TANC2: variants seen among roughly 807,000 people sequenced by gnomAD.
TANC2 encodes the protein protein TANC2.
Under a neutral mutation model 210.5 loss-of-function variants are expected in TANC2, and 26 were observed. The observed-to-expected ratio is 0.12, with a 90% CI of 0.09 to 0.17. The LOEUF is 0.17. Ranked by LOEUF, TANC2 falls within the 10% of genes least tolerant of loss-of-function variation. The pLI is 1.00. For missense variants in TANC2, 2,129 were observed against 2,608.9 expected, an observed-to-expected ratio of 0.82 and a Z score of 4.01; for synonymous variants, 931 against 967.1, an observed-to-expected ratio of 0.96 and a Z score of 0.69.
At chr17:63,306,960 A>G (rs551020169) in intron 9 of TANC2, among the ~76,000 whole-genome samples, 79 of 152,272 alleles carry the variant, frequency 5.2e-4, no homozygotes, top group African/African-American at 1.8e-3. Flanking sequence ...AAAAAAAATG[A>G]TGAGCAGTAG....
intron 9 of TANC2, among the ~76,000 whole-genome samples, chr17:63,276,790 T>C (rs2043889812): frequency 6.6e-6 from 1 of 152,160 alleles, no homozygotes; most frequent in Non-Finnish European, 1.5e-5. Context: ...TAGCATACAT[T>C]TATTGGAGTT....
chr17:63,169,541 A>G (rs1397907860), intron 5 of TANC2, among the ~76,000 whole-genome samples: 6 of 152,130 alleles, frequency 3.9e-5, no homozygotes, highest in African/African-American at 1.4e-4. Context: ...AGAATTTTTA[A>G]AATGGCCGGG....
At chr17:63,213,005 C>G (rs2041929576) in intron 7 of TANC2, among the ~76,000 whole-genome samples, 1 of 151,990 alleles carries the variant, frequency 6.6e-6, no homozygotes, top group African/African-American at 2.4e-5. Flanking sequence ...ATATTGTCAC[C>G]CTTGATATAA....
intron 14 of TANC2, among the ~76,000 whole-genome samples, chr17:63,357,407 A>G (rs549883441): frequency 1.3e-5 from 2 of 152,314 alleles, no homozygotes; most frequent in Admixed American, 6.5e-5. Flanking sequence ...TTTAACTAGG[A>G]GTTTTGCAGC....
intron 15 of TANC2, among the ~76,000 whole-genome samples, chr17:63,380,161 A>G (rs951201371): frequency 1.3e-5 from 2 of 152,222 alleles, no homozygotes; most frequent in Non-Finnish European, 2.9e-5. Context: ...CATGATGTCT[A>G]AAAAATCACT....
chr17:63,340,109 CTAT>C, exon 12 of TANC2: 1 of 1,613,482 alleles, frequency 6.2e-7, no homozygotes, highest in Non-Finnish European at 8.5e-7. Context: ...AGGTGGTTGC[CTAT>C]CACTATTGTC....
At chr17:63,411,170 G>A (rs1056793383) in intron 21 of TANC2, among the ~76,000 whole-genome samples, 8 of 151,802 alleles carry the variant, frequency 5.3e-5, no homozygotes, top group Admixed American at 3.3e-4. Flanking sequence ...GTGAGGATGC[G>A]GGAGGATTGA....
At chr17:63,393,769 TA>T (rs1483949237) in intron 17 of TANC2, among the ~76,000 whole-genome samples, 31 of 127,164 alleles carry the variant, frequency 2.4e-4, no homozygotes, top group East Asian at 8.0e-4. Context: ...TTATTATTAT[TA>T]TTATTATTTT....
At chr17:63,042,014 G>A (rs935131169) in intron 2 of TANC2, among the ~76,000 whole-genome samples, 2 of 152,158 alleles carry the variant, frequency 1.3e-5, no homozygotes, top group Non-Finnish European at 2.9e-5. Flanking sequence ...ATACCCTTGA[G>A]ATGTGAGAAT....
At chr17:63,178,475 A>G (rs1318390662) in intron 5 of TANC2, among the ~76,000 whole-genome samples, 2 of 152,190 alleles carry the variant, frequency 1.3e-5, no homozygotes, top group Non-Finnish European at 2.9e-5. Context: ...GCCTTTTTCA[A>G]CATTTGTTGT....
chr17:63,208,908 C>T (rs1454456878), intron 7 of TANC2, among the ~76,000 whole-genome samples: 1 of 152,100 alleles, frequency 6.6e-6, no homozygotes, highest in African/African-American at 2.4e-5. Context: ...TGGTTTTCTA[C>T]ATATACAACC....
At chr17:63,231,629 C>T (rs992691886) in intron 7 of TANC2, among the ~76,000 whole-genome samples, 2 of 152,168 alleles carry the variant, frequency 1.3e-5, no homozygotes, top group African/African-American at 2.4e-5. Context: ...GAGAAGTCCA[C>T]GGTTAGTCTG....
At chr17:63,210,825 G>T (rs1248846661) in intron 7 of TANC2, among the ~76,000 whole-genome samples, 23 of 152,174 alleles carry the variant, frequency 1.5e-4, no homozygotes, top group Non-Finnish European at 1.5e-5. Flanking sequence ...TATGTATTAT[G>T]TTTAATACTA....
At chr17:63,109,064 A>G (rs1399269024) in intron 4 of TANC2, among the ~76,000 whole-genome samples, 2 of 151,640 alleles carry the variant, frequency 1.3e-5, no homozygotes, top group African/African-American at 2.4e-5. Flanking sequence ...TGTATTATGT[A>G]TTAAAACTTA....
chr17:63,117,094 T>C (rs574755822), intron 4 of TANC2: 9 of 152,312 alleles, frequency 5.9e-5, no homozygotes, highest in African/African-American at 2.2e-4. Flanking sequence ...CAGATCCTTA[T>C]ATGGTGCTGC....
chr17:63,354,100 T>TAA (rs2046707833), intron 13 of TANC2, among the ~76,000 whole-genome samples: 1 of 151,892 alleles, frequency 6.6e-6, no homozygotes, highest in East Asian at 1.9e-4. Flanking sequence ...GGAGAGGGAA[T>TAA]GGGTACTCAC....
At chr17:63,172,542 A>T (rs1305746119) in intron 5 of TANC2, among the ~76,000 whole-genome samples, 1 of 152,072 alleles carries the variant, frequency 6.6e-6, no homozygotes. Context: ...ATTTCTTCTC[A>T]AACATCCAAA....
intron 27 of TANC2, among the ~76,000 whole-genome samples, chr17:63,419,759 C>T (rs1436052970): frequency 6.6e-6 from 1 of 152,128 alleles, no homozygotes; most frequent in Non-Finnish European, 1.5e-5. Flanking sequence ...TGGGGCATTT[C>T]TCCACTATTC....
intron 9 of TANC2, among the ~76,000 whole-genome samples, chr17:63,296,347 A>G (rs2044536124): frequency 6.6e-6 from 1 of 152,148 alleles, no homozygotes; most frequent in Non-Finnish European, 1.5e-5. Flanking sequence ...TACACACAAT[A>G]AGGAGTAGAG....
Sources: gnomAD v4.1 joint callset for allele counts (sites outside exome capture counted in the v4.1 genomes callset) on GRCh38, gnomAD v4.1.1 for gene constraint, MANE v1.5 for transcripts, NCBI Gene and HGNC (gene_info 2026-07-23, HGNC 2026-07-21) for gene names.